MEF2C: variants seen among roughly 807,000 people sequenced by gnomAD.
The protein encoded by MEF2C is myocyte enhancer factor 2C.
In MEF2C, 6 loss-of-function variants were observed where a neutral mutation model predicts 50.5. The observed-to-expected ratio is 0.12, with a 90% confidence interval of 0.07 to 0.23. The LOEUF (loss-of-function observed/expected upper bound fraction) is 0.23, where lower values mean the gene tolerates loss of function less well. Ranked by LOEUF, MEF2C falls within the 10% of genes least tolerant of loss-of-function variation. The pLI is 1.00. For synonymous variants in MEF2C, 183 were observed against 228.0 expected (o/e 0.80, Z 1.78); for missense variants, 276 against 605.0 (o/e 0.46, Z 5.70).
chr5:88,791,511 A>G (rs1041850270), intron 3 of MEF2C, among the ~76,000 whole-genome samples: 3 of 152,188 alleles, frequency 2.0e-5, no homozygotes, highest in African/African-American at 7.2e-5. Context: ...GTGTAATAAC[A>G]GAGACTAGAG....
At chr5:88,732,239 T>C (rs918072075) in intron 6 of MEF2C, among the ~76,000 whole-genome samples, 1 of 152,204 alleles carries the variant, frequency 6.6e-6, no homozygotes, top group Non-Finnish European at 1.5e-5. Context: ...TGCACTTTAA[T>C]TGACTAGCTT....
chr5:88,751,912 C>G lies in MEF2C; in HGVS notation c.534G>C (p.Gln178His), dbSNP rs1342956146. The G allele has an allele frequency of 6.2e-7, 1 of 1,614,006 alleles. No homozygotes were observed. The highest frequency in any genetic ancestry group is 8.5e-7 in the Non-Finnish European group (1 of 1,179,878). ...NLLPLAHPSL[Q>H]RNSMSPGVTH... is the part of the protein sequence containing the mutation. ...TTACACCAGGAGACATACTATTCCT[C>G]TGCAGAGAAGGGTGAGCCAGTGGCA... The change falls in exon 5 of 11, where the codon CAG becomes CAC. Residue 178 changes from glutamine (Q) to histidine (H), a missense_variant. Coordinates refer to ENST00000504921, the MANE Select transcript of MEF2C (RefSeq NM_002397.5).
intron 3 of MEF2C, among the ~76,000 whole-genome samples, chr5:88,793,876 T>C (rs989662690): frequency 1.3e-5 from 2 of 152,048 alleles, no homozygotes; most frequent in African/African-American, 2.4e-5. Flanking sequence ...CTCCCACTTA[T>C]GAGTGAGCAC....
At position 88,729,587 on chromosome 5, in the gene MEF2C, T is replaced by C. The variant is rs1760522353; in HGVS notation, c.835-240A>G. 1.1e-5 allele frequency: 5 copies of C among 468,374 alleles called. No homozygotes were observed. The Admixed American group carries it at 1.7e-4, about 16-fold the overall frequency. The allele number at this position is 468,374 out of a possible 1,614,324, so 29.0% of individuals were successfully genotyped here. A position where few individuals can be genotyped will look rare whatever the true frequency, so the allele number is the denominator to read the frequency against. On this transcript the variant is annotated intron_variant, in intron 8 of 10. Coordinates refer to ENST00000504921, the MANE Select transcript of MEF2C (RefSeq NM_002397.5). The stretch of plus-strand genomic sequence containing the variant: ...CCTAGGCAACTGAACTAGTAACAAG[T>C]ACCATAGCTTTATTATGGGTAAAAA...
chr5:88,758,289 C>T lies in MEF2C; in HGVS notation c.402+2896G>A, dbSNP rs372198554. 1.2e-4 allele frequency among the ~76,000 whole-genome samples: 18 copies of T among 152,160 alleles called. No individual in the cohort carries two copies. In the South Asian group the frequency reaches 3.3e-3, roughly 28 times the overall value. Reference sequence around the variant, plus strand: ...CTTTTACTCTCAACCAACTTGCACCCGCCTCTCATTCATTCAGCCCCTTTC... The same window carrying T: ...CTTTTACTCTCAACCAACTTGCACCTGCCTCTCATTCATTCAGCCCCTTTC... On this transcript the variant is annotated intron_variant, in intron 4 of 10. Coordinates refer to ENST00000504921, the MANE Select transcript of MEF2C (RefSeq NM_002397.5).
intron 1 of MEF2C, among the ~76,000 whole-genome samples, chr5:88,864,528 TTA>T (rs1249487019): frequency 6.6e-6 from 1 of 151,064 alleles, no homozygotes; most frequent in Admixed American, 6.6e-5. Flanking sequence ...ATTTACATAT[TTA>T]TAAATACACA....
intron 4 of MEF2C, among the ~76,000 whole-genome samples, chr5:88,753,496 A>C (rs1411891726): frequency 1.3e-5 from 2 of 152,164 alleles, no homozygotes; most frequent in Non-Finnish European, 2.9e-5. Context: ...ATCTGGTTCA[A>C]GTGATTCTGC....
intron 1 of MEF2C, chr5:88,880,813 T>A (rs988669120): frequency 9.9e-5 from 15 of 152,040 alleles, no homozygotes; most frequent in African/African-American, 3.6e-4. Context: ...ATATCTGTGA[T>A]TGCACACTTT....
chr5:88,817,940 A>C (rs1806280170), intron 2 of MEF2C: 2 of 151,982 alleles, frequency 1.3e-5, no homozygotes, highest in East Asian at 1.9e-4. Context: ...TATTGTTTGT[A>C]GAAAGAGTCA....
intron 3 of MEF2C, chr5:88,785,615 G>A (rs1033475112): frequency 1.3e-5 from 2 of 152,084 alleles, no homozygotes; most frequent in African/African-American, 4.8e-5. Context: ...TTAAAGTTTT[G>A]AGTTTAATTG....
At chr5:88,737,728 C>G in intron 6 of MEF2C, 8 of 985,320 alleles carry the variant, frequency 8.1e-6, no homozygotes, top group Non-Finnish European at 9.6e-6. Flanking sequence ...GAGGGGCATT[C>G]CTCTGAAGAT....
intron 2 of MEF2C, among the ~76,000 whole-genome samples, chr5:88,808,602 G>A (rs1195145167): frequency 6.6e-6 from 1 of 152,084 alleles, no homozygotes; most frequent in Non-Finnish European, 1.5e-5. Context: ...CTGTATTAAA[G>A]CACGTAAGAA....
rs756799434 is a variant in MEF2C, at chr5:88,728,573, G to A, written c.1020C>T (p.Ser340=). ...LSSLSGFNTA[S]ALHLGSVTGW... is the part of the protein sequence containing the mutation. ...CAGTTACTGAACCAAGGTGAAGAGC[G>A]CTGGCGGTGTTAAACCCAGACAGAG... Residue 340 remains serine, a synonymous_variant, in exon 10 of 11, where the codon AGC becomes AGT. Transcript: ENST00000504921. The A allele has an allele frequency of 4.1e-5, 63 of 1,532,640 alleles. No homozygotes were observed. The highest frequency in any genetic ancestry group is 5.2e-5 in the Non-Finnish European group (59 of 1,136,188). 94.9% of individuals were successfully genotyped at this position (1,532,640 alleles called of 1,614,324 possible).
At chr5:88,828,347 T>C (rs1368824327) in intron 1 of MEF2C, among the ~76,000 whole-genome samples, 1 of 152,022 alleles carries the variant, frequency 6.6e-6, no homozygotes, top group African/African-American at 2.4e-5. Flanking sequence ...AAAAACAGCC[T>C]ATGAATAATG....
chr5:88,787,131 G>A (rs139373963), intron 3 of MEF2C, among the ~76,000 whole-genome samples: 14 of 151,396 alleles, frequency 9.2e-5, no homozygotes, highest in African/African-American at 2.9e-4. Context: ...AAATACTTGT[G>A]GAAAAGAAAA....
At chr5:88,763,111 T>A (rs1778566913) in intron 3 of MEF2C, among the ~76,000 whole-genome samples, 1 of 152,220 alleles carries the variant, frequency 6.6e-6, no homozygotes, top group Admixed American at 6.5e-5. Context: ...CTGTAAATAT[T>A]TATTAATGTT....
At chr5:88,882,313 T>G (rs779876404) in intron 1 of MEF2C, among the ~76,000 whole-genome samples, 3 of 152,208 alleles carry the variant, frequency 2.0e-5, no homozygotes, top group Non-Finnish European at 2.9e-5. Flanking sequence ...GCAATCCATA[T>G]GCTGAAATCG....
chr5:88,861,585 T>C (rs549025869), intron 1 of MEF2C, among the ~76,000 whole-genome samples: 88 of 152,242 alleles, frequency 5.8e-4, no homozygotes, highest in African/African-American at 1.5e-3. Context: ...ACTTAATAGA[T>C]TTATAAGTTA....
intron 1 of MEF2C, among the ~76,000 whole-genome samples, chr5:88,829,738 G>A (rs887916959): frequency 6.6e-6 from 1 of 151,978 alleles, no homozygotes; most frequent in African/African-American, 2.4e-5. Context: ...GGATTTTGGG[G>A]TCAGAAAAAA....
Sources: gnomAD v4.1 joint callset for allele counts (sites outside exome capture counted in the v4.1 genomes callset) on GRCh38, gnomAD v4.1.1 for gene constraint, MANE v1.5 for transcripts, NCBI Gene and HGNC (gene_info 2026-07-23, HGNC 2026-07-21) for gene names.